CLIP3: variants seen among roughly 807,000 people sequenced by gnomAD.
CLIP3 encodes the protein CAP-Gly domain-containing linker protein 3.
CLIP3 carries 15 observed loss-of-function variants against 59.4 expected under a neutral mutation model. That is an observed-to-expected ratio of 0.25 (90% CI 0.17 to 0.39). The LOEUF (loss-of-function observed/expected upper bound fraction) is 0.39, where lower values mean the gene tolerates loss of function less well. Among genes scored for constraint, CLIP3 ranks in the 10% least tolerant of loss-of-function variants. The pLI is 1.00. For missense variants in CLIP3, 495 were observed against 765.7 expected, an observed-to-expected ratio of 0.65 and a Z score of 4.17; for synonymous variants, 300 against 321.6, an observed-to-expected ratio of 0.93 and a Z score of 0.72.
chr19:36,017,188 G>A (rs1407293345), intron 12 of CLIP3, among the ~76,000 whole-genome samples, 198 bp downstream of exon 12: 2 of 152,034 alleles, frequency 1.3e-5, no homozygotes, highest in Non-Finnish European at 2.9e-5. Flanking sequence ...TCAACCTCAT[G>A]TCCCCGAAGA....
rs1402938051 is a variant in CLIP3 at position 36,017,599 on chromosome 19, G to A, written c.1451+56C>T. On this transcript the variant is annotated intron_variant, in intron 11 of 13. Coordinates refer to ENST00000360535, the MANE Select transcript of CLIP3 (RefSeq NM_015526.3). ...GGTCTGGGAGGAGGAGGCCATCTGA[G>A]GGGGGATCAGGGCTCCAGGTGGTGC... The A allele has an allele frequency of 1.9e-6, 3 of 1,610,236 alleles. No individual in the cohort carries two copies. In the Admixed American group the frequency reaches 5.1e-5, roughly 27 times the overall value.
rs1476310623 is a variant in CLIP3, at chr19:36,026,033, ACAGACGG to A, written c.681+107_681+113del. The A allele has an allele frequency of 1.4e-6, 1 of 735,230 alleles. No individual in the cohort carries two copies. The highest frequency in any genetic ancestry group is 2.4e-6 in the Non-Finnish European group (1 of 414,742). The allele number at this position is 735,230 out of a possible 1,614,324, so 45.5% of individuals were successfully genotyped here. On this transcript the variant is annotated intron_variant, in intron 6 of 13. Coordinates refer to ENST00000360535, the MANE Select transcript of CLIP3 (RefSeq NM_015526.3). The surrounding 1 kb of genome is among the most constrained non-coding windows in gnomAD (Gnocchi z 6.3). ...AGCTGTTATTGCATTTGCTGAATGT[ACAGACGG>A]CATTTGTAGTATTTGGGGAGTCACG...
At chr19:36,020,909 A>G (rs1968935422) in intron 7 of CLIP3, among the ~76,000 whole-genome samples, 1 of 151,860 alleles carries the variant, frequency 6.6e-6, no homozygotes, top group Non-Finnish European at 1.5e-5. Flanking sequence ...GCTGGAGTGC[A>G]GTGGTGCAAT....
chr19:36,022,767 A>G (rs1401808087), intron 7 of CLIP3, among the ~76,000 whole-genome samples: 2 of 151,948 alleles, frequency 1.3e-5, no homozygotes, highest in Non-Finnish European at 2.9e-5. Context: ...TAAAAATAAA[A>G]ATAAAAGGCC....
intron 2 of CLIP3, among the ~76,000 whole-genome samples, chr19:36,031,031 T>TTTTTTTTTTTTTTTTTTTC: frequency 7.8e-6 from 1 of 127,880 alleles, no homozygotes; most frequent in Non-Finnish European, 1.6e-5. Context: ...TTCTTTTTTT[T>TTTTTTTTTTTTTTTTTTTC]TTTTTTTTTT....
intron 11 of CLIP3, 27 bp downstream of exon 11, chr19:36,017,628 G>A: frequency 6.2e-7 from 1 of 1,613,432 alleles, no homozygotes; most frequent in Non-Finnish European, 8.5e-7. Flanking sequence ...GTGGTGCCCT[G>A]GGTTTGGGCT....
At chr19:36,018,504 C>A (rs1013527648) in intron 9 of CLIP3, among the ~76,000 whole-genome samples, 4 of 151,788 alleles carry the variant, frequency 2.6e-5, no homozygotes, top group African/African-American at 9.7e-5. Context: ...ATTGCTTGAA[C>A]CCGGGAGGCG....
At chr19:36,024,692 G>A in intron 6 of CLIP3, 60 bp from the exon 7 acceptor site, 1 of 1,518,226 alleles carries the variant, frequency 6.6e-7, no homozygotes, top group South Asian at 1.2e-5. Context: ...CCCCCATGGA[G>A]GCCCTGCCCC....
chr19:36,026,681 C>A lies in CLIP3; in HGVS notation c.467G>T (p.Arg156Leu). The A allele has an allele frequency of 6.2e-7, 1 of 1,610,092 alleles. No individual in the cohort carries two copies. The highest frequency in any genetic ancestry group is 8.5e-7 in the Non-Finnish European group (1 of 1,178,944). Residue 156 changes from arginine (R) to leucine (L), a missense_variant, in exon 5 of 14, where the codon CGC (arginine) becomes CTC (leucine). By Grantham distance (102) the Arg-to-Leu change is moderately radical. Coordinates refer to ENST00000360535, the MANE Select transcript of CLIP3 (RefSeq NM_015526.3). The surrounding 1 kb of genome is among the most constrained non-coding windows in gnomAD (Gnocchi z 6.3). The stretch of plus-strand genomic sequence containing the variant: ...CGCGTTCATGTTGGTCCAGCGGCTG[C>A]GCAGCGTCACATCTGCGCCCAGCGC... ...LLALGADVTL[R>L]SRWTNMNALH...
In CLIP3 at chr19:36,028,491, C is replaced by A. The variant is rs114039537; in HGVS notation, c.167-1220G>T. On this transcript the variant is annotated intron_variant, in intron 2 of 13. Transcript: ENST00000360535. ...GTACTGCTCTCTGTGACGTCAGCAC[C>A]CAGCACAGGGCCCTGGCACGTGGCA... Among the ~76,000 whole-genome samples, 252 of 152,320 alleles carry A rather than the reference C, an allele frequency of 1.7e-3. 3 individuals are homozygous for A. Among genetic ancestry groups the A allele is most frequent in the African/African-American group, 5.6e-3 (232 of 41,568 alleles).
chr19:36,030,932 C>A (rs1031764086), intron 2 of CLIP3, among the ~76,000 whole-genome samples: 1 of 152,114 alleles, frequency 6.6e-6, no homozygotes, highest in Non-Finnish European at 1.5e-5. Context: ...CCCTGACTAC[C>A]CCTGCAGGTA....
At chr19:36,018,659 G>A (rs1448004936) in intron 9 of CLIP3, among the ~76,000 whole-genome samples, 1 of 151,830 alleles carries the variant, frequency 6.6e-6, no homozygotes, top group East Asian at 1.9e-4. Flanking sequence ...AACTGGGGGA[G>A]ACCTTTGGGT....
intron 9 of CLIP3, among the ~76,000 whole-genome samples, chr19:36,018,266 T>G (rs992146750): frequency 3.3e-5 from 5 of 152,030 alleles, no homozygotes; most frequent in Admixed American, 3.3e-4. Flanking sequence ...CCTTTTAAAA[T>G]GAAGGGAAAA....
Position 36,027,083 on chromosome 19 carries a change from A to T in CLIP3, c.307-38T>A, listed in dbSNP as rs781767229. On this transcript the variant is annotated intron_variant, in intron 3 of 13. Coordinates refer to ENST00000360535, the MANE Select transcript of CLIP3 (RefSeq NM_015526.3). ...GGGGAGCAGGGAGGGTCACCCACACATGTGGGGAACCGCATCCCCTCTCCC... is the reference window on the plus strand; with the variant it reads ...GGGGAGCAGGGAGGGTCACCCACACTTGTGGGGAACCGCATCCCCTCTCCC... The T allele has an allele frequency of 1.3e-6, 2 of 1,596,756 alleles. 1 individual carries two copies. The highest frequency in any genetic ancestry group is 2.2e-5 in the South Asian group (2 of 88,982).
intron 7 of CLIP3, among the ~76,000 whole-genome samples, chr19:36,019,760 G>A (rs952906067): frequency 9.2e-5 from 14 of 151,756 alleles, no homozygotes; most frequent in Non-Finnish European, 1.5e-4. Flanking sequence ...ATGCCACCAC[G>A]CCTGGCTAAT....
At chr19:36,028,455 G>A (rs1969171600) in intron 2 of CLIP3, among the ~76,000 whole-genome samples, 1 of 152,176 alleles carries the variant, frequency 6.6e-6, no homozygotes, top group African/African-American at 2.4e-5. Context: ...CTTCCCACTC[G>A]ACTCTAAGGA....
At chr19:36,030,995 CTTTTTTTCTTTTCT>C (rs1568545472) in intron 2 of CLIP3, among the ~76,000 whole-genome samples, 18 of 113,374 alleles carry the variant, frequency 1.6e-4, no homozygotes, top group African/African-American at 3.7e-4. Flanking sequence ...TTTCTTTTTT[CTTTTTTTCTTTTCT>C]TTTTTTTTTT....
At chr19:36,019,067 T>A in intron 8 of CLIP3, 41 bp from the exon 9 acceptor site, 1 of 1,587,538 alleles carries the variant, frequency 6.3e-7, no homozygotes, top group East Asian at 2.2e-5. Flanking sequence ...TCCAAGCCTC[T>A]GCCCTCGGCC....
chr19:36,031,024 T>TTTTTTTTTTTTTTTTTTTTC (rs1969251111), intron 2 of CLIP3, among the ~76,000 whole-genome samples: 71 of 73,582 alleles, frequency 9.6e-4, no homozygotes, highest in South Asian at 1.6e-3. Flanking sequence ...TTTTTTTTTC[T>TTTTTTTTTTTTTTTTTTTTC]TTTTTTTTTT....
Sources: gnomAD v4.1 joint callset for allele counts (sites outside exome capture counted in the v4.1 genomes callset) on GRCh38, gnomAD v4.1.1 for gene constraint, Gnocchi (gnomAD v3.1) non-coding constraint, MANE v1.5 for transcripts, NCBI Gene and HGNC (gene_info 2026-07-23, HGNC 2026-07-21) for gene names.